The following UBE2L3 variants were observed in gnomAD, a reference collection of about 807,000 sequenced individuals.
The protein encoded by UBE2L3 is ubiquitin-conjugating enzyme E2 L3.
A neutral mutation model predicts 17.8 loss-of-function variants in UBE2L3; 1 was observed. The ratio of observed to expected loss-of-function variants is 0.06; its 90% CI spans 0.02 to 0.27. The LOEUF is 0.27. UBE2L3 is among the 10% of genes least tolerant of loss of function. The pLI, the probability that UBE2L3 is intolerant of heterozygous loss-of-function variation, is 1.00. For missense variants in UBE2L3, 40 were observed against 192.6 expected (o/e 0.21, Z 4.69); for synonymous variants, 44 against 68.5 (o/e 0.64, Z 1.76).
At chr22:21,609,065 T>G (rs1214496224) in intron 2 of UBE2L3, among the ~76,000 whole-genome samples, 1 of 152,056 alleles carries the variant, frequency 6.6e-6, no homozygotes, top group Non-Finnish European at 1.5e-5. Context: ...CAGCTAATTT[T>G]TTTTTGTATT....
At chr22:21,585,335 TC>T (rs1286043134) in intron 1 of UBE2L3, among the ~76,000 whole-genome samples, 1 of 152,248 alleles carries the variant, frequency 6.6e-6, no homozygotes, top group Non-Finnish European at 1.5e-5. Context: ...TGGAACCAAG[TC>T]CAGGTCTTTA....
At chr22:21,600,557 G>A (rs997250690) in intron 2 of UBE2L3, among the ~76,000 whole-genome samples, 13 of 151,970 alleles carry the variant, frequency 8.6e-5, no homozygotes, top group African/African-American at 3.1e-4. Flanking sequence ...TTAGCCGGGC[G>A]TGGTGGCAGG....
At chr22:21,616,245 G>A (rs551590931) in intron 3 of UBE2L3, among the ~76,000 whole-genome samples, 1 of 152,198 alleles carries the variant, frequency 6.6e-6, no homozygotes, top group South Asian at 2.1e-4. Flanking sequence ...CTGTATATGG[G>A]ATGCTCAGAC....
chr22:21,589,487 C>T (rs367683270), intron 1 of UBE2L3, among the ~76,000 whole-genome samples: 1 of 152,108 alleles, frequency 6.6e-6, no homozygotes, highest in Non-Finnish European at 1.5e-5. Flanking sequence ...TCCACAGGAC[C>T]GTCTTGTGCA....
intron 1 of UBE2L3, among the ~76,000 whole-genome samples, chr22:21,584,178 ATTTT>A (rs374588807): frequency 7.5e-6 from 1 of 132,792 alleles, no homozygotes; most frequent in Non-Finnish European, 1.6e-5. Context: ...TCTGGCCTAA[ATTTT>A]TTTTTTTTTT....
intron 2 of UBE2L3, among the ~76,000 whole-genome samples, chr22:21,600,237 G>A (rs539389859): frequency 2.1e-4 from 32 of 151,862 alleles, no homozygotes; most frequent in African/African-American, 7.5e-4. Context: ...CGCTTGAACC[G>A]GGGAGGTGGA....
intron 1 of UBE2L3, among the ~76,000 whole-genome samples, chr22:21,587,277 G>A (rs1449647521): frequency 1.3e-5 from 2 of 151,540 alleles, no homozygotes; most frequent in African/African-American, 4.9e-5. Context: ...TGCAACCTCC[G>A]ACTCCCTGGT....
intron 1 of UBE2L3, among the ~76,000 whole-genome samples, chr22:21,556,052 T>C (rs1384200823): frequency 3.3e-5 from 5 of 152,174 alleles, no homozygotes; most frequent in African/African-American, 7.2e-5. Flanking sequence ...CTGGGCAACA[T>C]GACACCCACC....
chr22:21,584,889 A>T (rs894391549), intron 1 of UBE2L3, among the ~76,000 whole-genome samples: 1 of 152,146 alleles, frequency 6.6e-6, no homozygotes, highest in African/African-American at 2.4e-5. Flanking sequence ...TGAGCCTGGG[A>T]GGCGGAGGTT....
chr22:21,572,751 C>A (rs189244427), intron 1 of UBE2L3, among the ~76,000 whole-genome samples: 22 of 152,124 alleles, frequency 1.4e-4, no homozygotes, highest in Admixed American at 1.4e-3. Context: ...TTCTTGGGAA[C>A]GGCACATAGA....
Position 21,618,749 on chromosome 22 carries a change from G to A in UBE2L3, c.311-2766G>A, listed in dbSNP as rs116443510. On this transcript the variant is annotated intron_variant, in intron 3 of 3. Transcript: ENST00000342192. Reference sequence around the variant, plus strand: ...ACTACAGGCATGTGCCACCACAACCGGCTAATTTTATTTTTTATTTTTTGT... The same window carrying A: ...ACTACAGGCATGTGCCACCACAACCAGCTAATTTTATTTTTTATTTTTTGT... 3.6e-3 allele frequency among the ~76,000 whole-genome samples: 548 copies of A among 152,084 alleles called. 3 individuals are homozygous for A. Among genetic ancestry groups the A allele is most frequent in the African/African-American group, 0.013 (520 of 41,494 alleles).
chr22:21,581,800 CA>C (rs1226304090), intron 1 of UBE2L3, among the ~76,000 whole-genome samples: 12 of 136,726 alleles, frequency 8.8e-5, no homozygotes, highest in East Asian at 2.1e-4. Context: ...GTAACTGTCT[CA>C]AAAAAAAAAG....
intron 3 of UBE2L3, among the ~76,000 whole-genome samples, chr22:21,620,808 C>T (rs187766607): frequency 1.3e-5 from 2 of 152,238 alleles, no homozygotes; most frequent in East Asian, 1.9e-4. Context: ...ACAAGTGCAG[C>T]GCCATCACAT....
At chr22:21,605,521 T>G (rs1235907316) in intron 2 of UBE2L3, among the ~76,000 whole-genome samples, 1 of 152,178 alleles carries the variant, frequency 6.6e-6, no homozygotes, top group Non-Finnish European at 1.5e-5. Flanking sequence ...CTTTTTCTTT[T>G]TGAGATGGAT....
intron 2 of UBE2L3, among the ~76,000 whole-genome samples, chr22:21,604,494 C>T (rs912749203): frequency 2.0e-5 from 3 of 152,114 alleles, no homozygotes; most frequent in Non-Finnish European, 4.4e-5. Flanking sequence ...GAGACTCTAT[C>T]TCTAAATAAA....
At chr22:21,559,237 A>G (rs2148390695) in intron 1 of UBE2L3, among the ~76,000 whole-genome samples, 1 of 152,298 alleles carries the variant, frequency 6.6e-6, no homozygotes, top group Admixed American at 6.5e-5. Context: ...AATCCCAGCT[A>G]CTCGGGAGGC....
intron 2 of UBE2L3, among the ~76,000 whole-genome samples, chr22:21,596,891 T>C (rs1389028761): frequency 2.0e-5 from 3 of 152,220 alleles, no homozygotes; most frequent in African/African-American, 7.2e-5. Context: ...CCATTCTAGT[T>C]GGTATGTAGT....
intron 3 of UBE2L3, among the ~76,000 whole-genome samples, chr22:21,620,164 G>A (rs887971712): frequency 1.3e-5 from 2 of 151,924 alleles, no homozygotes; most frequent in Middle Eastern, 3.2e-3. Flanking sequence ...GCTAACACCC[G>A]TAATCCCAAC....
At position 21,575,709 on chromosome 22, in the gene UBE2L3, C is replaced by T. The variant is rs370928225; in HGVS notation, c.27+7938C>T. On this transcript the variant is annotated intron_variant, in intron 1 of 3. Coordinates refer to ENST00000342192, the MANE Select transcript of UBE2L3 (RefSeq NM_003347.4). ...CCAGGCTGGAGTGCAGTGGCACCATCTCAGCTCACTGCAACCTCTGCCTCC... is the reference window on the plus strand; with the variant it reads ...CCAGGCTGGAGTGCAGTGGCACCATTTCAGCTCACTGCAACCTCTGCCTCC... Among the ~76,000 whole-genome samples, 25 of 117,392 alleles carry T rather than the reference C, an allele frequency of 2.1e-4. 1 individual carries two copies. In the South Asian group the frequency reaches 8.2e-3, roughly 38 times the overall value. 77.0% of individuals were successfully genotyped at this position (117,392 alleles called of 152,430 possible). A position where few individuals can be genotyped will look rare whatever the true frequency, so the allele number is the denominator to read the frequency against.
Sources: allele counts gnomAD v4.1 joint callset (sites outside exome capture counted in the v4.1 genomes callset), GRCh38; gene constraint gnomAD v4.1.1; transcripts MANE v1.5; gene names NCBI Gene and HGNC (gene_info 2026-07-23, HGNC 2026-07-21).